CTBP2: variants seen among roughly 807,000 people sequenced by gnomAD.
CTBP2 encodes C-terminal-binding protein 2.
CTBP2 carries 30 observed loss-of-function variants against 80.3 expected under a neutral mutation model. The observed-to-expected ratio is 0.37, with a 90% CI of 0.28 to 0.51. The LOEUF is 0.51. Among genes scored for constraint, CTBP2 ranks in the 20% least tolerant of loss-of-function variants. The pLI, the probability that CTBP2 is intolerant of heterozygous loss-of-function variation, is 0.93. For synonymous variants in CTBP2, 594 were observed against 587.4 expected (o/e 1.01, Z -0.16); for missense variants, 1,212 against 1,375.3 (o/e 0.88, Z 1.88).
chr10:125,081,436 T>G (rs1564873241), intron 2 of CTBP2, among the ~76,000 whole-genome samples: 1 of 152,214 alleles, frequency 6.6e-6, no homozygotes. Context: ...GCACTGTGTT[T>G]AGGAAAAATT....
At position 124,988,164 on chromosome 10, in the gene CTBP2, A is replaced by G. The variant is rs1229634494; in HGVS notation, c.*1354T>C. ...ACTTGTGTGAGGTTTTGATTTTTCA[A>G]TTAAACTTTTTGTTATCACAGGTAA... On this transcript the variant is annotated 3_prime_UTR_variant, in exon 9 of 9. Transcript: ENST00000309035. 3.3e-5 allele frequency: 5 copies of G among 152,612 alleles called. No individual in the cohort carries two copies. The highest frequency in any genetic ancestry group is 1.9e-4 in the East Asian group (1 of 5,194). 9.5% of individuals were successfully genotyped at this position (152,612 alleles called of 1,614,324 possible).
intron 1 of CTBP2, among the ~76,000 whole-genome samples, chr10:125,152,736 C>G (rs11245521): frequency 0.052 from 7,861 of 152,174 alleles, 240 homozygotes; most frequent in Middle Eastern, 0.071. Context: ...CTGAAAGCCC[C>G]GAGATAAAGG....
intron 1 of CTBP2, among the ~76,000 whole-genome samples, chr10:125,019,468 C>T (rs1956840002): frequency 6.6e-6 from 1 of 151,690 alleles, no homozygotes; most frequent in South Asian, 2.1e-4. Context: ...TGTTGGCTTT[C>T]TCACTTAAAA....
At chr10:125,064,644 A>G (rs1844353565) in intron 2 of CTBP2, among the ~76,000 whole-genome samples, 1 of 152,230 alleles carries the variant, frequency 6.6e-6, no homozygotes, top group Admixed American at 6.5e-5. Context: ...TCTTCAGGAC[A>G]ACTTGAAATA....
intron 1 of CTBP2, among the ~76,000 whole-genome samples, chr10:125,021,252 T>C (rs921761598): frequency 6.6e-6 from 1 of 152,178 alleles, no homozygotes; most frequent in Non-Finnish European, 1.5e-5. Context: ...CTCTTCCTTC[T>C]CTGCTCACTG....
chr10:125,067,258 A>T (rs556783721), intron 2 of CTBP2, among the ~76,000 whole-genome samples: 1 of 152,344 alleles, frequency 6.6e-6, no homozygotes, highest in South Asian at 2.1e-4. Context: ...ATCAAAAATA[A>T]GGAAAGACTG....
chr10:125,079,799 C>CA (rs1846898983), intron 2 of CTBP2, among the ~76,000 whole-genome samples: 1 of 152,232 alleles, frequency 6.6e-6, no homozygotes, highest in Admixed American at 6.5e-5. Flanking sequence ...AGTTTATTTA[C>CA]AAGGCATTTT....
chr10:125,129,960 A>G (rs915615026), intron 1 of CTBP2, among the ~76,000 whole-genome samples: 2 of 152,156 alleles, frequency 1.3e-5, no homozygotes, highest in African/African-American at 4.8e-5. Context: ...ACCCCAGGAC[A>G]ATGACATGTG....
intron 1 of CTBP2, among the ~76,000 whole-genome samples, chr10:125,151,976 C>G (rs1288236286): frequency 6.6e-6 from 1 of 152,136 alleles, no homozygotes; most frequent in Non-Finnish European, 1.5e-5. Flanking sequence ...CGGCGGGAAG[C>G]GGCTCCATTT....
intron 2 of CTBP2, among the ~76,000 whole-genome samples, chr10:125,106,547 C>T (rs975784410): frequency 6.6e-6 from 1 of 152,184 alleles, no homozygotes; most frequent in African/African-American, 2.4e-5. Flanking sequence ...ATGAGGATCA[C>T]GGAAAGAGAA....
At chr10:124,999,686 C>G (rs1223922857) in intron 3 of CTBP2, 1 of 152,246 alleles carries the variant, frequency 6.6e-6, no homozygotes, top group East Asian at 1.9e-4. Flanking sequence ...GACCAACTTT[C>G]CCACGAGCTG....
rs1244451898 is a variant in CTBP2, at chr10:124,988,457, C to CTGTT, written c.*1057_*1060dup. ...CATACTTCTGATAGCCATTATTTTT[C>CTGTT]TGTTTGGGACAATTTTAAAGTTTTT... On this transcript the variant is annotated 3_prime_UTR_variant, in exon 9 of 9. Coordinates refer to ENST00000309035, the MANE Select transcript of CTBP2 (RefSeq NM_022802.3). 5 of 152,724 alleles carry CTGTT rather than the reference C, an allele frequency of 3.3e-5. No individual in the cohort carries two copies. The highest frequency in any genetic ancestry group is 3.9e-4 in the East Asian group (2 of 5,190). The allele number at this position is 152,724 out of a possible 1,614,324, so 9.5% of individuals were successfully genotyped here.
At chr10:125,058,981 C>T (rs1224704672) in intron 2 of CTBP2, among the ~76,000 whole-genome samples, 22 of 152,176 alleles carry the variant, frequency 1.4e-4, no homozygotes, top group Admixed American at 5.2e-4. Context: ...CACATCCCCA[C>T]GGTCAGGCAG....
intron 1 of CTBP2, among the ~76,000 whole-genome samples, chr10:125,007,541 G>T (rs1007381911): frequency 6.6e-6 from 1 of 152,122 alleles, no homozygotes; most frequent in Non-Finnish European, 1.5e-5. Flanking sequence ...GGAGGATGGC[G>T]GAAGGATCCG....
intron 1 of CTBP2, among the ~76,000 whole-genome samples, chr10:125,139,972 C>T (rs1054496125): frequency 2.6e-5 from 4 of 152,102 alleles, no homozygotes; most frequent in Admixed American, 6.5e-5. Context: ...TTCCACTCAG[C>T]GTCTAGCACA....
chr10:125,161,072 G>C (rs886101069), upstream of CTBP2: 4 of 150,822 alleles, frequency 2.7e-5, no homozygotes, highest in Non-Finnish European at 4.4e-5. Flanking sequence ...GTTTTTGGGG[G>C]GGGGGGGCAA....
At chr10:124,998,467 G>C (rs1451433639) in intron 3 of CTBP2, 1 of 440,774 alleles carries the variant, frequency 2.3e-6, no homozygotes, top group South Asian at 2.2e-5. Flanking sequence ...TTCCTCCTGG[G>C]CTTGCACTGA....
intron 1 of CTBP2, among the ~76,000 whole-genome samples, chr10:125,015,458 C>T (rs370401279): frequency 2.0e-5 from 3 of 152,360 alleles, no homozygotes; most frequent in Non-Finnish European, 4.4e-5. Context: ...CTTTGCTGTG[C>T]GGTCCCTGGT....
intron 2 of CTBP2, among the ~76,000 whole-genome samples, chr10:125,068,137 GC>G (rs1409412213): frequency 6.6e-6 from 1 of 152,142 alleles, no homozygotes; most frequent in Non-Finnish European, 1.5e-5. Flanking sequence ...TGCGGCCCAG[GC>G]CCACAGACTC....
Sources: allele counts gnomAD v4.1 joint callset (sites outside exome capture counted in the v4.1 genomes callset), GRCh38; gene constraint gnomAD v4.1.1; transcripts MANE v1.5; gene names NCBI Gene and HGNC (gene_info 2026-07-23, HGNC 2026-07-21).